RNLS: variants seen among roughly 807,000 people sequenced by gnomAD.
RNLS encodes renalase, FAD dependent amine oxidase.
Under a neutral mutation model 39.8 loss-of-function variants are expected in RNLS, and 39 were observed. The ratio of observed to expected loss-of-function variants is 0.98; its 90% CI spans 0.76 to 1.28. RNLS has a LOEUF of 1.28. Among genes scored for constraint, RNLS ranks in the 50% most tolerant of loss-of-function variants. The pLI is 0.00. For synonymous variants in RNLS, 147 were observed against 150.7 expected, an observed-to-expected ratio of 0.98 and a Z score of 0.18; for missense variants, 410 against 413.3, an observed-to-expected ratio of 0.99 and a Z score of 0.07.
chr10:88,439,115 T>C (rs1353053241), intron 4 of RNLS, among the ~76,000 whole-genome samples: 1 of 152,102 alleles, frequency 6.6e-6, no homozygotes, highest in African/African-American at 2.4e-5. Context: ...ATTTCCCCTT[T>C]CTCATATATC....
chr10:88,269,748 A>G (rs1025643909), downstream of RNLS, among the ~76,000 whole-genome samples: 10 of 152,204 alleles, frequency 6.6e-5, no homozygotes, highest in South Asian at 2.1e-4. Flanking sequence ...TTTAACTTGT[A>G]GTGCTGCTCT....
At chr10:88,478,606 C>A (rs920555174) in intron 4 of RNLS, among the ~76,000 whole-genome samples, 3 of 152,118 alleles carry the variant, frequency 2.0e-5, no homozygotes, top group African/African-American at 7.2e-5. Context: ...ACTGTCCCCC[C>A]AGATAAAAAA....
chr10:88,445,170 T>C (rs995837521), intron 4 of RNLS, among the ~76,000 whole-genome samples: 1 of 152,150 alleles, frequency 6.6e-6, no homozygotes, highest in Non-Finnish European at 1.5e-5. Flanking sequence ...CATTCAACAT[T>C]CGTAAAGAAA....
At chr10:88,418,966 G>A (rs559597773) in intron 4 of RNLS, among the ~76,000 whole-genome samples, 88 of 152,294 alleles carry the variant, frequency 5.8e-4, no homozygotes, top group Admixed American at 2.6e-3. Flanking sequence ...TTTGCTCTGA[G>A]AGCCTGGCCT....
intron 4 of RNLS, among the ~76,000 whole-genome samples, chr10:88,455,438 G>T (rs1243217696): frequency 1.3e-5 from 2 of 152,042 alleles, no homozygotes; most frequent in Non-Finnish European, 2.9e-5. Context: ...ACAGAGTCTT[G>T]CTCTGTTGCC....
intron 4 of RNLS, among the ~76,000 whole-genome samples, chr10:88,551,530 A>G (rs923900518): frequency 6.6e-6 from 1 of 152,200 alleles, no homozygotes; most frequent in African/African-American, 2.4e-5. Context: ...ATGGATTTGA[A>G]TTGGTGCTCA....
At chr10:88,442,839 C>T (rs141704801) in intron 4 of RNLS, among the ~76,000 whole-genome samples, 69 of 152,286 alleles carry the variant, frequency 4.5e-4, no homozygotes, top group African/African-American at 1.5e-3. Context: ...GTACTTCCAG[C>T]TCCAACACTT....
At chr10:88,454,098 C>T (rs2133907526) in intron 4 of RNLS, among the ~76,000 whole-genome samples, 1 of 152,188 alleles carries the variant, frequency 6.6e-6, no homozygotes, top group Non-Finnish European at 1.5e-5. Flanking sequence ...TCACAGAACC[C>T]TGAGAAATAC....
the RNLS span, among the ~76,000 whole-genome samples, chr10:88,203,388 A>T: frequency 1.1e-3 from 10 of 9,460 alleles, 2 homozygotes; most frequent in Non-Finnish European, 1.5e-3. Context: ...ATATATATAC[A>T]CGTATGTGTA....
intron 5 of RNLS, among the ~76,000 whole-genome samples, chr10:88,344,848 T>C (rs1222371148): frequency 1.3e-5 from 2 of 152,156 alleles, no homozygotes; most frequent in East Asian, 3.8e-4. Context: ...GTCCCACAGA[T>C]CAGTTATAAA....
chr10:88,211,980 C>G, the RNLS span, among the ~76,000 whole-genome samples: 1 of 152,146 alleles, frequency 6.6e-6, no homozygotes, highest in Non-Finnish European at 1.5e-5. Context: ...TGGACAGATT[C>G]AAGATCTTTA....
chr10:88,194,289 T>C, the RNLS span, among the ~76,000 whole-genome samples: 6 of 152,232 alleles, frequency 3.9e-5, no homozygotes, highest in Non-Finnish European at 7.3e-5. Context: ...CGTTCCTCAC[T>C]GTCCCCCCTC....
chr10:88,201,362 A>G, the RNLS span, among the ~76,000 whole-genome samples: 4 of 152,182 alleles, frequency 2.6e-5, no homozygotes, highest in Non-Finnish European at 5.9e-5. Flanking sequence ...AAGAGAGTGA[A>G]AGTGATGCAT....
chr10:88,292,524 T>A (rs1479756318), intron 6 of RNLS, among the ~76,000 whole-genome samples: 1 of 150,668 alleles, frequency 6.6e-6, no homozygotes, highest in African/African-American at 2.4e-5. Flanking sequence ...CCAATATGAG[T>A]CTCCTGATAC....
intron 4 of RNLS, among the ~76,000 whole-genome samples, chr10:88,397,322 G>C (rs1194522075): frequency 6.6e-6 from 1 of 151,882 alleles, no homozygotes; most frequent in Non-Finnish European, 1.5e-5. Flanking sequence ...CAGAAACATA[G>C]ACAGAAATTT....
rs375743247 is a variant in RNLS at position 88,277,462 on chromosome 10, G to T, written c.877-2430C>A. 9.9e-5 allele frequency among the ~76,000 whole-genome samples: 15 copies of T among 152,008 alleles called. No individual in the cohort carries two copies. The East Asian group carries it at 2.5e-3, about 25-fold the overall frequency. ...CTGCACGTTGTGCACAGGTACCCTA[G>T]AACTTAAAGTATAATAAAAGAAAAA... is the stretch of plus-strand genomic sequence containing the variant. On this transcript the variant is annotated intron_variant, in intron 6 of 6. Coordinates refer to the RNLS transcript ENST00000371947.
At chr10:88,494,340 A>T (rs1420313286) in intron 4 of RNLS, among the ~76,000 whole-genome samples, 1 of 152,180 alleles carries the variant, frequency 6.6e-6, no homozygotes, top group Non-Finnish European at 1.5e-5. Flanking sequence ...TTTCAGTAAG[A>T]CATTTTCTTC....
the RNLS span, among the ~76,000 whole-genome samples, chr10:88,238,068 G>A: frequency 1.3e-5 from 2 of 152,172 alleles, no homozygotes; most frequent in Non-Finnish European, 2.9e-5. Context: ...AGGAACTTGA[G>A]CTGCCATGTG....
chr10:88,525,033 AAAAT>A (rs1369986362), intron 4 of RNLS, among the ~76,000 whole-genome samples: 2 of 145,458 alleles, frequency 1.4e-5, no homozygotes, highest in African/African-American at 2.5e-5. Context: ...CACAAAAATT[AAAAT>A]AAATAAATAA....
Sources: gnomAD v4.1 joint callset for allele counts (sites outside exome capture counted in the v4.1 genomes callset) on GRCh38, gnomAD v4.1.1 for gene constraint, MANE v1.5 for transcripts, NCBI Gene and HGNC (gene_info 2026-07-23, HGNC 2026-07-21) for gene names.